The following SUGCT variants were observed in gnomAD, a reference collection of about 807,000 sequenced individuals.
The protein encoded by SUGCT is succinyl-CoA:glutarate CoA-transferase.
In SUGCT, 41 loss-of-function variants were observed where a neutral mutation model predicts 55.0. The ratio of observed to expected loss-of-function variants is 0.74; its 90% CI spans 0.58 to 0.97. The LOEUF (loss-of-function observed/expected upper bound fraction) is 0.97, where lower values mean the gene tolerates loss of function less well. Ranked by LOEUF, SUGCT falls within the 50% of genes least tolerant of loss-of-function variation. The pLI is 0.00. For synonymous variants in SUGCT, 187 were observed against 200.4 expected (o/e 0.93, Z 0.56); for missense variants, 568 against 547.8 (o/e 1.04, Z -0.37).
At chr7:40,982,676 A>G in the SUGCT span, among the ~76,000 whole-genome samples, 1 of 151,874 alleles carries the variant, frequency 6.6e-6, no homozygotes, top group African/African-American at 2.4e-5. Flanking sequence ...TATTTTTTAG[A>G]TAGAATCTGT....
intron 12 of SUGCT, among the ~76,000 whole-genome samples, chr7:40,669,346 C>CAAAAA (rs33947436): frequency 1.1e-5 from 1 of 90,764 alleles, no homozygotes; most frequent in Non-Finnish European, 2.4e-5. Flanking sequence ...GTGTAAGCTT[C>CAAAAA]AAAAAAAAAA....
the SUGCT span, among the ~76,000 whole-genome samples, chr7:40,955,024 T>C: frequency 3.9e-5 from 6 of 152,204 alleles, no homozygotes; most frequent in Admixed American, 1.3e-4. Flanking sequence ...AGTACCAAGC[T>C]GTTTTGGTTA....
intron 12 of SUGCT, among the ~76,000 whole-genome samples, chr7:40,535,570 C>T (rs1452383496): frequency 6.6e-6 from 1 of 152,222 alleles, no homozygotes; most frequent in Non-Finnish European, 1.5e-5. Context: ...CATGCACTTA[C>T]ATGTTCATTG....
intron 13 of SUGCT, among the ~76,000 whole-genome samples, chr7:40,753,806 A>G (rs1236941838): frequency 6.6e-6 from 1 of 152,212 alleles, no homozygotes; most frequent in Non-Finnish European, 1.5e-5. Flanking sequence ...TTGGACAAGG[A>G]TAGGAAATTA....
chr7:40,514,515 C>G (rs1011223740), intron 12 of SUGCT, among the ~76,000 whole-genome samples: 1 of 151,930 alleles, frequency 6.6e-6, no homozygotes, highest in African/African-American at 2.4e-5. Flanking sequence ...TCAAGACCAA[C>G]CTGACCAACA....
At chr7:40,231,780 G>A (rs1390378613) in intron 6 of SUGCT, among the ~76,000 whole-genome samples, 1 of 152,188 alleles carries the variant, frequency 6.6e-6, no homozygotes, top group Non-Finnish European at 1.5e-5. Context: ...AGGCAGGAAA[G>A]TAGTGTACTG....
chr7:40,187,487 G>T (rs181941642), intron 3 of SUGCT, among the ~76,000 whole-genome samples: 9 of 152,180 alleles, frequency 5.9e-5, no homozygotes, highest in Admixed American at 3.9e-4. Context: ...CTCCCAAGCT[G>T]CAGGTTTTTC....
In SUGCT at chr7:40,449,301, G is replaced by T; in HGVS notation, c.831G>T (p.Lys277Asn). 1 of 1,611,138 alleles carries T rather than the reference G, an allele frequency of 6.2e-7. No homozygotes were observed. Among genetic ancestry groups the T allele is most frequent in the East Asian group, 2.2e-5 (1 of 44,792 alleles). Reference sequence around the variant, plus strand: ...ATTTCTTTTAGGCTTTTAAAACCAAGGATGGCTATATTGTAGTTGGAGCAG... The same window carrying T: ...ATTTCTTTTAGGCTTTTAAAACCAATGATGGCTATATTGTAGTTGGAGCAG... ...SIVPYQAFKT[K>N]DGYIVVGAGN... The change falls in exon 10 of 14, where the codon AAG (lysine) becomes AAT (asparagine). Residue 277 changes from lysine to asparagine, a missense_variant. Coordinates refer to ENST00000335693, the MANE Select transcript of SUGCT (RefSeq NM_001193313.2).
At chr7:40,756,505 C>A (rs1433708880) in intron 13 of SUGCT, among the ~76,000 whole-genome samples, 1 of 152,162 alleles carries the variant, frequency 6.6e-6, no homozygotes, top group Non-Finnish European at 1.5e-5. Flanking sequence ...ACTTTGCCTT[C>A]CCCTGTTACT....
the SUGCT span, among the ~76,000 whole-genome samples, chr7:40,911,230 G>A: frequency 6.6e-6 from 1 of 152,004 alleles, no homozygotes; most frequent in Non-Finnish European, 1.5e-5. Context: ...TACAAAATAA[G>A]CAAAGAAACA....
intron 9 of SUGCT, among the ~76,000 whole-genome samples, chr7:40,415,112 CTATA>C (rs199887852): frequency 8.3e-4 from 118 of 141,712 alleles, no homozygotes; most frequent in Middle Eastern, 3.8e-3. Context: ...ATCTATCTAT[CTATA>C]TAAAATTAGC....
chr7:40,758,646 T>G (rs1788378352), intron 13 of SUGCT, among the ~76,000 whole-genome samples: 1 of 152,174 alleles, frequency 6.6e-6, no homozygotes, highest in Admixed American at 6.5e-5. Context: ...TTGTCCTGTA[T>G]GTATCAGCTT....
the SUGCT span, among the ~76,000 whole-genome samples, chr7:40,920,560 G>A: frequency 6.6e-6 from 1 of 152,196 alleles, no homozygotes; most frequent in African/African-American, 2.4e-5. Context: ...ATGTGGTCAT[G>A]TCAGAGCCTC....
chr7:40,754,698 A>G (rs1788173574), intron 13 of SUGCT, among the ~76,000 whole-genome samples: 2 of 152,222 alleles, frequency 1.3e-5, no homozygotes, highest in Admixed American at 6.5e-5. Context: ...AGTGAAATGT[A>G]TGCTTCACTT....
intron 9 of SUGCT, among the ~76,000 whole-genome samples, chr7:40,380,670 T>G (rs956248838): frequency 2.6e-5 from 4 of 152,208 alleles, no homozygotes; most frequent in African/African-American, 9.6e-5. Context: ...TCCGTCTCTA[T>G]AATGCGTGTT....
intron 12 of SUGCT, among the ~76,000 whole-genome samples, chr7:40,648,953 A>G (rs1308988043): frequency 1.3e-5 from 2 of 152,232 alleles, no homozygotes; most frequent in South Asian, 2.1e-4. Flanking sequence ...CTAGGAAACT[A>G]ATATAATGAG....
At chr7:40,401,364 G>T (rs1786057160) in intron 9 of SUGCT, among the ~76,000 whole-genome samples, 1 of 152,184 alleles carries the variant, frequency 6.6e-6, no homozygotes, top group South Asian at 2.1e-4. Context: ...ATCTTGAAAT[G>T]ATTCAGAGAA....
chr7:40,655,048 A>G (rs374874469), intron 12 of SUGCT, among the ~76,000 whole-genome samples: 1 of 152,178 alleles, frequency 6.6e-6, no homozygotes, highest in East Asian at 1.9e-4. Flanking sequence ...AGGCAATATC[A>G]CTTTTGGAGG....
intron 13 of SUGCT, among the ~76,000 whole-genome samples, chr7:40,784,658 C>T (rs140752545): frequency 2.1e-3 from 324 of 152,192 alleles, no homozygotes; most frequent in African/African-American, 7.4e-3. Flanking sequence ...GCTAAAATTA[C>T]CCTAACATGC....
Sources: allele counts gnomAD v4.1 joint callset (sites outside exome capture counted in the v4.1 genomes callset), GRCh38; gene constraint gnomAD v4.1.1; transcripts MANE v1.5; gene names NCBI Gene and HGNC (gene_info 2026-07-23, HGNC 2026-07-21).